Variants in PLEKHM3 observed in about 807,000 individuals in gnomAD.
PLEKHM3 encodes the protein pleckstrin homology domain-containing family M member 3.
Under a neutral mutation model 81.8 loss-of-function variants are expected in PLEKHM3, and 45 were observed. The observed-to-expected ratio is 0.55, with a 90% CI of 0.43 to 0.71. The LOEUF (loss-of-function observed/expected upper bound fraction) is 0.71, where lower values mean the gene tolerates loss of function less well. PLEKHM3 is among the 30% of genes least tolerant of loss of function. PLEKHM3 has a pLI of 0.00. For missense variants in PLEKHM3, 788 were observed against 924.3 expected (o/e 0.85, Z 1.91); for synonymous variants, 352 against 356.4 (o/e 0.99, Z 0.14).
At chr2:207,866,356 C>A (rs2092501050) in intron 6 of PLEKHM3, among the ~76,000 whole-genome samples, 1 of 152,096 alleles carries the variant, frequency 6.6e-6, no homozygotes, top group East Asian at 1.9e-4. Context: ...GGGGTTTCAC[C>A]ATGTTGGCCA....
chr2:207,908,851 C>A (rs999865675), intron 5 of PLEKHM3, among the ~76,000 whole-genome samples: 1 of 152,150 alleles, frequency 6.6e-6, no homozygotes, highest in Non-Finnish European at 1.5e-5. Context: ...GTCTGAGGAC[C>A]AGAACATCAG....
chr2:207,884,813 G>A (rs1024632708), intron 6 of PLEKHM3, among the ~76,000 whole-genome samples: 8 of 152,056 alleles, frequency 5.3e-5, no homozygotes, highest in Admixed American at 1.3e-4. Context: ...CTTCCTGGGC[G>A]CCCACATAGT....
chr2:207,861,692 G>T (rs777716819), intron 6 of PLEKHM3, among the ~76,000 whole-genome samples: 12 of 152,138 alleles, frequency 7.9e-5, no homozygotes, highest in Admixed American at 1.3e-4. Flanking sequence ...GAATTAATGG[G>T]ATAGTTTTTT....
intron 6 of PLEKHM3, among the ~76,000 whole-genome samples, chr2:207,902,128 C>T (rs1239191962): frequency 3.3e-5 from 5 of 152,132 alleles, no homozygotes; most frequent in African/African-American, 9.7e-5. Context: ...GGCACTGAGG[C>T]GCTGTGTTCC....
chr2:207,992,899 A>G (rs951722293), intron 2 of PLEKHM3, among the ~76,000 whole-genome samples: 1 of 152,172 alleles, frequency 6.6e-6, no homozygotes, highest in East Asian at 1.9e-4. Context: ...AGCACATGGC[A>G]CTTTCAAAAA....
intron 5 of PLEKHM3, among the ~76,000 whole-genome samples, chr2:207,921,114 T>A (rs1470422555): frequency 1.3e-5 from 2 of 152,134 alleles, no homozygotes; most frequent in Non-Finnish European, 2.9e-5. Flanking sequence ...AGTGGCACTA[T>A]CTTGGCTCAC....
chr2:207,902,285 C>T (rs1395453303), intron 6 of PLEKHM3, among the ~76,000 whole-genome samples: 2 of 152,298 alleles, frequency 1.3e-5, no homozygotes, highest in South Asian at 2.1e-4. Context: ...TAGAGAAAAA[C>T]GTTCTCTGAT....
Position 208,001,736 on chromosome 2 carries a change from T to C in PLEKHM3, c.-97A>G. ...AAGAGGGGTGCTTCAGCAATAGAGC[T>C]ATGGAAACAACTGGAAGAAACCTTC... On this transcript the variant is annotated 5_prime_UTR_variant, in exon 2 of 8. In the 5' UTR this introduces an upstream ATG that the reference lacks. Transcript: ENST00000427836. 2 of 1,506,902 alleles carry C rather than the reference T, an allele frequency of 1.3e-6. No homozygotes were observed. The highest frequency in any genetic ancestry group is 1.8e-6 in the Non-Finnish European group (2 of 1,135,112). The allele number at this position is 1,506,902 out of a possible 1,614,324, so 93.3% of individuals were successfully genotyped here. A position where few individuals can be genotyped will look rare whatever the true frequency, so the allele number is the denominator to read the frequency against.
intron 3 of PLEKHM3, 115 bp from the exon 4 acceptor site, chr2:207,946,627 C>A: frequency 7.3e-7 from 1 of 1,361,512 alleles, no homozygotes; most frequent in Admixed American, 2.3e-5. Context: ...ACCTAGTCTG[C>A]AACAAAAAAG....
chr2:207,939,051 C>T (rs1050680649), intron 4 of PLEKHM3, among the ~76,000 whole-genome samples: 1 of 152,160 alleles, frequency 6.6e-6, no homozygotes, highest in Non-Finnish European at 1.5e-5. Flanking sequence ...GCAAGTGCCA[C>T]ACGCCTAAGC....
chr2:208,024,035 A>G (rs1043456249), intron 1 of PLEKHM3, among the ~76,000 whole-genome samples: 1 of 151,892 alleles, frequency 6.6e-6, no homozygotes, highest in African/African-American at 2.4e-5. Context: ...TCCAGCCACA[A>G]GGGAGGCTGA....
Position 207,976,942 on chromosome 2 carries a change from C to A in PLEKHM3, c.1255G>T (p.Asp419Tyr). 1 of 1,614,216 alleles carries A rather than the reference C, an allele frequency of 6.2e-7. No homozygotes were observed. The highest frequency in any genetic ancestry group is 8.5e-7 in the Non-Finnish European group (1 of 1,180,042). Residue 419 changes from aspartate to tyrosine, a missense_variant, in exon 3 of 8, where the codon GAT (aspartate) becomes TAT (tyrosine). Asp to Tyr is a radical substitution (Grantham distance 160, BLOSUM62 -3). Transcript: ENST00000427836. The surrounding 1 kb of genome is among the most constrained non-coding windows in gnomAD (Gnocchi z 4.1). Reference sequence around the variant, plus strand: ...ACTTGAAAGCAAGAGTCGCAGCCATCCAGGTTGTCCATCTGGACAGCCAGA... The same window carrying A: ...ACTTGAAAGCAAGAGTCGCAGCCATACAGGTTGTCCATCTGGACAGCCAGA... ...VCLAVQMDNL[D>Y]GCDSCFQVIF...
At chr2:207,877,003 C>A (rs1474111820) in intron 6 of PLEKHM3, among the ~76,000 whole-genome samples, 1 of 152,098 alleles carries the variant, frequency 6.6e-6, no homozygotes, top group Non-Finnish European at 1.5e-5. Context: ...AAGTATATTA[C>A]CCAATCTGAA....
chr2:207,965,813 T>G (rs989788190), intron 3 of PLEKHM3, among the ~76,000 whole-genome samples: 1 of 152,250 alleles, frequency 6.6e-6, no homozygotes, highest in Non-Finnish European at 1.5e-5. Context: ...GAAAAGAATT[T>G]CCATGTCCTG....
rs565456051 is a variant in PLEKHM3, at chr2:207,976,350, G to A, written c.1546+301C>T. On this transcript the variant is annotated intron_variant, in intron 3 of 7. Coordinates refer to ENST00000427836, the MANE Select transcript of PLEKHM3 (RefSeq NM_001080475.3). This position sits in a 1 kb window ranked among gnomAD's most constrained non-coding sequence, Gnocchi z 4.1. ...AAGCAGAGGGAATGGAATCACAGCC[G>A]ACTCAGGAAACCTAAATTCTAGTCT... Among the ~76,000 whole-genome samples the A allele has an allele frequency of 1.2e-4, 19 of 152,276 alleles. No homozygotes were observed. In the South Asian group the frequency reaches 1.5e-3, roughly 12 times the overall value.
At chr2:207,894,465 T>A (rs1011742004) in intron 6 of PLEKHM3, among the ~76,000 whole-genome samples, 1 of 151,694 alleles carries the variant, frequency 6.6e-6, no homozygotes, top group Non-Finnish European at 1.5e-5. Flanking sequence ...CCAGGGCTAA[T>A]GATGGGTGCA....
At chr2:208,007,674 T>G (rs1692541041) in intron 1 of PLEKHM3, among the ~76,000 whole-genome samples, 1 of 152,144 alleles carries the variant, frequency 6.6e-6, no homozygotes, top group South Asian at 2.1e-4. Context: ...TCCCAGCACT[T>G]TGGGAGGCTG....
At chr2:208,023,693 C>G (rs917303594) in intron 1 of PLEKHM3, among the ~76,000 whole-genome samples, 1 of 151,912 alleles carries the variant, frequency 6.6e-6, no homozygotes, top group Non-Finnish European at 1.5e-5. Flanking sequence ...TAACTATCAC[C>G]CCCCTACTCC....
At chr2:207,968,264 C>G (rs1690989202) in intron 3 of PLEKHM3, among the ~76,000 whole-genome samples, 1 of 152,048 alleles carries the variant, frequency 6.6e-6, no homozygotes, top group African/African-American at 2.4e-5. Flanking sequence ...TCTCCCAGAG[C>G]ACCTACTACA....
Sources: allele counts gnomAD v4.1 joint callset (sites outside exome capture counted in the v4.1 genomes callset), GRCh38; gene constraint gnomAD v4.1.1; non-coding constraint Gnocchi (gnomAD v3.1); transcripts MANE v1.5; gene names NCBI Gene and HGNC (gene_info 2026-07-23, HGNC 2026-07-21).